DAB1: variants seen among roughly 807,000 people sequenced by gnomAD.
DAB1 encodes the protein disabled homolog 1.
In DAB1, 15 loss-of-function variants were observed where a neutral mutation model predicts 64.6. That is an observed-to-expected ratio of 0.23 (90% CI 0.16 to 0.36). DAB1 has a LOEUF of 0.36. DAB1 is among the 10% of genes least tolerant of loss of function. DAB1 has a pLI of 1.00. For missense variants in DAB1, 596 were observed against 706.7 expected (o/e 0.84, Z 1.78); for synonymous variants, 235 against 251.9 (o/e 0.93, Z 0.64).
At position 58,524,245 on chromosome 1, in the gene DAB1, C is replaced by A. The variant is rs115693799; in HGVS notation, n.107+3016G>T. Among the ~76,000 whole-genome samples, 250 of 152,232 alleles carry A rather than the reference C, an allele frequency of 1.6e-3. 1 individual carries two copies. The highest frequency in any genetic ancestry group is 5.9e-3 in the African/African-American group (244 of 41,562). Reference sequence around the variant, plus strand: ...TTTCATCTGCATTAAAAACCTGTTCCGGCAGCTATTCTTTCTCCTTAACGA... The same window carrying A: ...TTTCATCTGCATTAAAAACCTGTTCAGGCAGCTATTCTTTCTCCTTAACGA... On this transcript the variant is annotated intron_variant and non_coding_transcript_variant, in intron 2 of 20. Transcript: ENST00000485760.
intron 5 of DAB1, among the ~76,000 whole-genome samples, chr1:57,990,231 C>T (rs1646311515): frequency 6.6e-6 from 1 of 152,152 alleles, no homozygotes; most frequent in Non-Finnish European, 1.5e-5. Context: ...AACAGCAGAA[C>T]TTATTAAACA....
At chr1:58,493,161 A>T (rs988139379) in intron 3 of DAB1, among the ~76,000 whole-genome samples, 1 of 152,240 alleles carries the variant, frequency 6.6e-6, no homozygotes, top group Non-Finnish European at 1.5e-5. Context: ...ACCAACGAGA[A>T]AAACCACATG....
At chr1:57,100,925 A>G (rs189813352) in intron 4 of DAB1, among the ~76,000 whole-genome samples, 5 of 152,184 alleles carry the variant, frequency 3.3e-5, no homozygotes, top group Admixed American at 6.5e-5. Context: ...TTTAGCCTTT[A>G]TCATATGCCA....
chr1:57,166,925 A>G (rs189139265), intron 2 of DAB1, among the ~76,000 whole-genome samples: 1 of 152,312 alleles, frequency 6.6e-6, no homozygotes, highest in African/African-American at 2.4e-5. Context: ...CAAAGTTCAT[A>G]GTCTCTCCAC....
At chr1:57,625,497 A>G (rs573223769) in intron 7 of DAB1, among the ~76,000 whole-genome samples, 1 of 152,274 alleles carries the variant, frequency 6.6e-6, no homozygotes, top group East Asian at 1.9e-4. Flanking sequence ...CCCTGCTAAG[A>G]AAGTGGAAGT....
At chr1:58,162,176 A>G (rs1282507486) in intron 4 of DAB1, among the ~76,000 whole-genome samples, 1 of 152,180 alleles carries the variant, frequency 6.6e-6, no homozygotes, top group Non-Finnish European at 1.5e-5. Flanking sequence ...TCTTGCCCTT[A>G]AAGTAACGGG....
intron 7 of DAB1, among the ~76,000 whole-genome samples, chr1:57,622,131 T>A (rs1224280157): frequency 6.6e-6 from 1 of 152,168 alleles, no homozygotes; most frequent in African/African-American, 2.4e-5. Context: ...TTTCAATCAG[T>A]TTCAGAAATA....
At chr1:58,282,893 T>C (rs555878071) in intron 4 of DAB1, among the ~76,000 whole-genome samples, 8 of 152,308 alleles carry the variant, frequency 5.3e-5, no homozygotes, top group African/African-American at 1.9e-4. Context: ...CTAAAAGCGA[T>C]CCTTCCATAT....
intron 3 of DAB1, among the ~76,000 whole-genome samples, chr1:58,382,682 T>C (rs762871747): frequency 5.3e-5 from 8 of 152,172 alleles, no homozygotes; most frequent in African/African-American, 7.2e-5. Flanking sequence ...CTATAGACTT[T>C]AAAGCTTTTT....
intron 1 of DAB1, among the ~76,000 whole-genome samples, chr1:57,863,949 G>A (rs1047000173): frequency 1.3e-5 from 2 of 152,168 alleles, no homozygotes; most frequent in Admixed American, 1.3e-4. Flanking sequence ...AGATGCCAGA[G>A]ATACAGCTCT....
At chr1:57,501,593 G>A (rs1334313137) in intron 7 of DAB1, among the ~76,000 whole-genome samples, 1 of 152,196 alleles carries the variant, frequency 6.6e-6, no homozygotes, top group African/African-American at 2.4e-5. Context: ...GGTAAAGTAA[G>A]GGATGCTATA....
At chr1:58,096,595 A>C (rs1253790042) in intron 5 of DAB1, among the ~76,000 whole-genome samples, 1 of 152,232 alleles carries the variant, frequency 6.6e-6, no homozygotes, top group Non-Finnish European at 1.5e-5. Context: ...TGAGGAAACC[A>C]CAAATTGAGA....
At chr1:57,164,943 G>C (rs1569686473) in intron 2 of DAB1, among the ~76,000 whole-genome samples, 1 of 152,204 alleles carries the variant, frequency 6.6e-6, no homozygotes, top group East Asian at 1.9e-4. Flanking sequence ...TCTGGTGGCA[G>C]GGAGACAGTT....
At position 58,466,803 on chromosome 1, in the gene DAB1, A is replaced by G. The variant is rs371930940; in HGVS notation, n.257+39257T>C. ...CCGGTTGAACAGCGCCTGTCCCATA[A>G]CTGGTCTGTGCAGGGGGAGCTGTGT... On this transcript the variant is annotated intron_variant and non_coding_transcript_variant, in intron 3 of 20. Transcript: ENST00000485760. 1.8e-3 allele frequency among the ~76,000 whole-genome samples: 273 copies of G among 151,992 alleles called. 3 individuals are homozygous for G. In the South Asian group the frequency reaches 0.053, roughly 29 times the overall value.
At chr1:58,345,320 A>G (rs917274837) in intron 3 of DAB1, among the ~76,000 whole-genome samples, 2 of 152,154 alleles carry the variant, frequency 1.3e-5, no homozygotes, top group Non-Finnish European at 2.9e-5. Flanking sequence ...ACATCCTTCA[A>G]TGGAAAAGAA....
At chr1:57,609,770 A>G (rs894021043) in intron 7 of DAB1, among the ~76,000 whole-genome samples, 3 of 152,234 alleles carry the variant, frequency 2.0e-5, no homozygotes, top group Non-Finnish European at 2.9e-5. Context: ...ATTATGTCAA[A>G]AAATAAACTT....
intron 3 of DAB1, among the ~76,000 whole-genome samples, chr1:57,141,022 CAT>C (rs1335813729): frequency 2.6e-5 from 4 of 152,124 alleles, no homozygotes; most frequent in African/African-American, 7.2e-5. Context: ...ACATGTAAAA[CAT>C]ATGTGTAAAT....
At chr1:57,309,596 C>CCAGGCA (rs961473376) in intron 1 of DAB1, among the ~76,000 whole-genome samples, 4 of 152,080 alleles carry the variant, frequency 2.6e-5, no homozygotes, top group African/African-American at 7.2e-5. Context: ...TCCTAGAACT[C>CCAGGCA]CAGGCACAGG....
At chr1:57,148,988 T>C (rs1177914469) in intron 2 of DAB1, among the ~76,000 whole-genome samples, 2 of 152,210 alleles carry the variant, frequency 1.3e-5, no homozygotes, top group African/African-American at 4.8e-5. Flanking sequence ...CCTGTACCCA[T>C]TAGCTGTCAC....
Sources: allele counts gnomAD v4.1 joint callset (sites outside exome capture counted in the v4.1 genomes callset), GRCh38; gene constraint gnomAD v4.1.1; transcripts MANE v1.5; gene names NCBI Gene and HGNC (gene_info 2026-07-23, HGNC 2026-07-21).